The following CBFB variants were observed in gnomAD, a reference collection of about 807,000 sequenced individuals.
CBFB encodes the protein CBF-beta.
Under a neutral mutation model 30.4 loss-of-function variants are expected in CBFB, and 9 were observed. The observed-to-expected ratio is 0.30, with a 90% CI of 0.18 to 0.52. CBFB has a LOEUF of 0.52. Ranked by LOEUF, CBFB falls within the 20% of genes least tolerant of loss-of-function variation. The probability of loss-of-function intolerance (pLI) is 0.97; values close to 1 mark genes in which losing one functional copy is unlikely to be tolerated. For synonymous variants in CBFB, 94 were observed against 84.0 expected (o/e 1.12, Z -0.65); for missense variants, 170 against 244.0 (o/e 0.70, Z 2.02).
chr16:67,072,913 A>G (rs576205283), intron 4 of CBFB, among the ~76,000 whole-genome samples: 1 of 151,932 alleles, frequency 6.6e-6, no homozygotes, highest in South Asian at 2.1e-4. Context: ...AGGTCTTACC[A>G]TGTTGGCCAG....
At chr16:67,085,102 T>C (rs573873025) in intron 5 of CBFB, among the ~76,000 whole-genome samples, 74 of 152,190 alleles carry the variant, frequency 4.9e-4, no homozygotes, top group South Asian at 1.5e-3. Flanking sequence ...AGAATACATT[T>C]AAAAATCAAG....
chr16:67,085,909 A>G (rs1454305432), intron 5 of CBFB, among the ~76,000 whole-genome samples: 1 of 151,166 alleles, frequency 6.6e-6, no homozygotes, highest in Non-Finnish European at 1.5e-5. Context: ...CGATCTCCTG[A>G]CCTCGTGATC....
At chr16:67,085,635 C>T (rs1218774661) in intron 5 of CBFB, among the ~76,000 whole-genome samples, 2 of 150,080 alleles carry the variant, frequency 1.3e-5, no homozygotes, top group East Asian at 3.9e-4. Flanking sequence ...GCTGGGATTA[C>T]AGATGTGAAC....
chr16:67,033,391 G>A (rs1008269742), intron 2 of CBFB, among the ~76,000 whole-genome samples: 2 of 152,170 alleles, frequency 1.3e-5, no homozygotes, highest in Non-Finnish European at 2.9e-5. Context: ...TCTGGCTGGA[G>A]TGCAGTGGTG....
At chr16:67,030,675 C>T (rs532372792) in intron 2 of CBFB, among the ~76,000 whole-genome samples, 118 of 152,272 alleles carry the variant, frequency 7.7e-4, no homozygotes, top group African/African-American at 2.5e-3. Flanking sequence ...TCTCGGGTCA[C>T]TGCAACCTTC....
At position 67,038,302 on chromosome 16, in the gene CBFB, G is replaced by A. The variant is rs1422861508; in HGVS notation, c.282+1547G>A. On this transcript the variant is annotated intron_variant, in intron 3 of 5. Coordinates refer to ENST00000412916, the MANE Select transcript of CBFB (RefSeq NM_022845.3). ...CTTGTGTGTATATATATATATACAC[G>A]TATATATGTGTATATATACGTATAT... 5.3e-5 allele frequency among the ~76,000 whole-genome samples: 8 copies of A among 149,822 alleles called. No individual in the cohort carries two copies. The East Asian group carries it at 5.8e-4, about 11-fold the overall frequency.
chr16:67,056,568 T>G (rs943488131), intron 3 of CBFB, among the ~76,000 whole-genome samples: 7 of 152,160 alleles, frequency 4.6e-5, no homozygotes, highest in Admixed American at 3.3e-4. Flanking sequence ...ATTTACTATG[T>G]TTTTTTCCAT....
At chr16:67,040,544 G>A (rs1966512205) in intron 3 of CBFB, among the ~76,000 whole-genome samples, 1 of 152,164 alleles carries the variant, frequency 6.6e-6, no homozygotes, top group Non-Finnish European at 1.5e-5. Context: ...TGTATGTAAA[G>A]TGTTTTGACC....
intron 4 of CBFB, among the ~76,000 whole-genome samples, chr16:67,073,016 T>TA (rs940185947): frequency 6.6e-6 from 1 of 152,180 alleles, no homozygotes; most frequent in Non-Finnish European, 1.5e-5. Context: ...TCTAGCCCCT[T>TA]ACTTTTATTT....
In CBFB at chr16:67,029,768, C is replaced by T. The variant is rs756760117; in HGVS notation, c.120C>T (p.Arg40=). ...TCAGGGACCGGCCCCACGAGGAACG[C>T]CAGGCACGCTTCCAGAACGCCTGCC... is the stretch of plus-strand genomic sequence containing the variant. ...TGFRDRPHEE[R]QARFQNACRD... Residue 40 remains arginine (R), a synonymous_variant, in exon 2 of 6, where the codon CGC becomes CGT. Transcript: ENST00000412916. 19 of 1,596,050 alleles carry T rather than the reference C, an allele frequency of 1.2e-5. No homozygotes were observed. In the East Asian group the frequency reaches 1.6e-4, roughly 14 times the overall value.
At chr16:67,051,585 T>C (rs1202039748) in intron 3 of CBFB, among the ~76,000 whole-genome samples, 1 of 152,058 alleles carries the variant, frequency 6.6e-6, no homozygotes, top group Non-Finnish European at 1.5e-5. Flanking sequence ...TCTATCAACT[T>C]AACTAAATTA....
chr16:67,035,864 T>A (rs983617354), intron 2 of CBFB, among the ~76,000 whole-genome samples: 3 of 152,206 alleles, frequency 2.0e-5, no homozygotes, highest in African/African-American at 7.2e-5. Flanking sequence ...AATGTCTTTG[T>A]TTTTTGCCTG....
At position 67,099,165 on chromosome 16, in the gene CBFB, A is replaced by ATT. The variant is rs923000619; in HGVS notation, c.*397_*398dup. 22 of 210,854 alleles carry ATT rather than the reference A, an allele frequency of 1.0e-4. No individual in the cohort carries two copies. The highest frequency in any genetic ancestry group is 1.9e-4 in the South Asian group (1 of 5,172). The allele number at this position is 210,854 out of a possible 1,614,324, so 13.1% of individuals were successfully genotyped here. A position where few individuals can be genotyped will look rare whatever the true frequency, so the allele number is the denominator to read the frequency against. The stretch of plus-strand genomic sequence containing the variant: ...AGGGTTTTCTCTAATCATTTTTTCT[A>ATT]TTTTTTTTTTTGTACTTCTAGATGT... On this transcript the variant is annotated 3_prime_UTR_variant, in exon 6 of 6. Transcript: ENST00000412916.
chr16:67,074,792 A>C (rs1961340532), intron 4 of CBFB, among the ~76,000 whole-genome samples: 2 of 152,240 alleles, frequency 1.3e-5, no homozygotes, highest in Non-Finnish European at 2.9e-5. Flanking sequence ...ATGGATAAAT[A>C]ACGAATTATG....
chr16:67,051,945 G>A (rs930245460), intron 3 of CBFB, among the ~76,000 whole-genome samples: 6 of 136,552 alleles, frequency 4.4e-5, no homozygotes, highest in South Asian at 2.3e-4. Flanking sequence ...ACACACACAC[G>A]CATACATATA....
chr16:67,030,996 G>A (rs1048768236), intron 2 of CBFB, among the ~76,000 whole-genome samples: 1 of 152,152 alleles, frequency 6.6e-6, no homozygotes, highest in African/African-American at 2.4e-5. Flanking sequence ...AGCTAGGTGC[G>A]ATTTGAATTT....
At chr16:67,098,571 C>A in intron 5 of CBFB, 139 bp from the exon 6 acceptor site, 1 of 535,978 alleles carries the variant, frequency 1.9e-6, no homozygotes. Context: ...TTTTTTTTTG[C>A]CTGTTACATG....
chr16:67,071,304 G>A (rs886250259), intron 4 of CBFB, among the ~76,000 whole-genome samples: 1 of 152,128 alleles, frequency 6.6e-6, no homozygotes, highest in Non-Finnish European at 1.5e-5. Flanking sequence ...CCCTACTCCC[G>A]TTGTTACTGT....
chr16:67,031,363 AAG>A (rs1429828105), intron 2 of CBFB, among the ~76,000 whole-genome samples: 1 of 152,218 alleles, frequency 6.6e-6, no homozygotes, highest in Non-Finnish European at 1.5e-5. Flanking sequence ...GGTATAATAA[AAG>A]AATTCATTAG....
Sources: allele counts gnomAD v4.1 joint callset (sites outside exome capture counted in the v4.1 genomes callset), GRCh38; gene constraint gnomAD v4.1.1; transcripts MANE v1.5; gene names NCBI Gene and HGNC (gene_info 2026-07-23, HGNC 2026-07-21).